Variants in MTARC2 observed in about 807,000 individuals in gnomAD.
MTARC2 encodes the protein mitochondrial amidoxime reducing component 2.
A neutral mutation model predicts 35.6 loss-of-function variants in MTARC2; 27 were observed. That is an observed-to-expected ratio of 0.76 (90% CI 0.56 to 1.04). The LOEUF (loss-of-function observed/expected upper bound fraction) is 1.04. MTARC2 is among the 50% of genes least tolerant of loss of function. The pLI is 0.00. For missense variants in MTARC2, 412 were observed against 432.5 expected (o/e 0.95, Z 0.42); for synonymous variants, 158 against 167.1 (o/e 0.95, Z 0.42).
At chr1:220,781,507 A>G (rs1672069388) in intron 6 of MTARC2, among the ~76,000 whole-genome samples, 1 of 152,244 alleles carries the variant, frequency 6.6e-6, no homozygotes, top group African/African-American at 2.4e-5. Flanking sequence ...CCATATAGAC[A>G]AAGTATTTAT....
intron 6 of MTARC2, among the ~76,000 whole-genome samples, chr1:220,780,526 C>T (rs1365383235): frequency 6.7e-6 from 1 of 150,168 alleles, no homozygotes; most frequent in East Asian, 2.0e-4. Flanking sequence ...GATCTTAGCT[C>T]ACTGCAACCT....
intron 1 of MTARC2, among the ~76,000 whole-genome samples, chr1:220,750,818 G>A (rs1166521993): frequency 6.6e-6 from 1 of 152,146 alleles, no homozygotes; most frequent in Non-Finnish European, 1.5e-5. Flanking sequence ...TGTGCTGTGG[G>A]GATGTGAACT....
At chr1:220,777,093 G>A (rs1203793862) in intron 4 of MTARC2, among the ~76,000 whole-genome samples, 2 of 152,250 alleles carry the variant, frequency 1.3e-5, no homozygotes, top group Non-Finnish European at 2.9e-5. Flanking sequence ...TAAGTCCTGA[G>A]TAGGACATGG....
chr1:220,774,545 T>C (rs550623996), intron 4 of MTARC2, among the ~76,000 whole-genome samples: 3,616 of 152,212 alleles, frequency 0.024, 109 homozygotes, highest in African/African-American at 0.064. Context: ...CCAGGAGCAG[T>C]GAAAGTGAGG....
At chr1:220,754,159 A>G (rs1293333870) in intron 1 of MTARC2, among the ~76,000 whole-genome samples, 2 of 152,214 alleles carry the variant, frequency 1.3e-5, no homozygotes, top group Non-Finnish European at 2.9e-5. Flanking sequence ...TTGGCAACAC[A>G]GTCTTTTGTG....
At chr1:220,751,191 G>A (rs766007209) in intron 1 of MTARC2, among the ~76,000 whole-genome samples, 12 of 152,156 alleles carry the variant, frequency 7.9e-5, no homozygotes, top group Non-Finnish European at 7.4e-5. Context: ...GTTCCAAGGA[G>A]CTGGGATTTT....
chr1:220,780,585 G>A (rs1199022069), intron 6 of MTARC2, among the ~76,000 whole-genome samples: 2 of 151,888 alleles, frequency 1.3e-5, no homozygotes, highest in East Asian at 1.9e-4. Context: ...GAGTAGCTGG[G>A]ACTACAGGTG....
Position 220,748,906 on chromosome 1 carries a change from C to G in MTARC2, c.272+103C>G, listed in dbSNP as rs894771167. 18 of 1,332,894 alleles carry G rather than the reference C, an allele frequency of 1.4e-5. No homozygotes were observed. The African/African-American group carries it at 1.9e-4, about 14-fold the overall frequency. 82.6% of individuals were successfully genotyped at this position (1,332,894 alleles called of 1,614,324 possible). A position where few individuals can be genotyped will look rare whatever the true frequency, so the allele number is the denominator to read the frequency against. The stretch of plus-strand genomic sequence containing the variant: ...ATCTGGGAAGGACTATAGAGGTTTG[C>G]CACCTGAGTTTCTGGGCTGACTGTT... On this transcript the variant is annotated intron_variant, in intron 1 of 7. Coordinates refer to ENST00000366913, the MANE Select transcript of MTARC2 (RefSeq NM_017898.5).
Position 220,748,732 on chromosome 1 carries a change from C to G in MTARC2, c.201C>G (p.Ser67=), listed in dbSNP as rs1396776862. The G allele has an allele frequency of 1.1e-5, 17 of 1,600,380 alleles. No homozygotes were observed. Among genetic ancestry groups the G allele is most frequent in the Non-Finnish European group, 1.4e-5 (16 of 1,173,790 alleles). The part of the protein sequence containing the change: ...VAKLWIYPVK[S]CKGVPVSEAE... ...AGCTCTGGATCTACCCGGTGAAATC[C>G]TGCAAAGGGGTGCCGGTGAGCGAGG... The change falls in exon 1 of 8, where the codon TCC becomes TCG. Residue 67 remains serine (S), a synonymous_variant. Transcript: ENST00000366913.
chr1:220,748,497 T>C lies in MTARC2; in HGVS notation c.-35T>C. ...CTCCCGGTCTCCGGTCGCTGCCGGG[T>C]CTGTGCGCCGGTCCGCGCCCGCCCT... On this transcript the variant is annotated 5_prime_UTR_variant, in exon 1 of 8. Transcript: ENST00000366913. The C allele has an allele frequency of 2.2e-6, 3 of 1,368,776 alleles. No homozygotes were observed. Among genetic ancestry groups the C allele is most frequent in the South Asian group, 1.7e-5 (1 of 57,886 alleles). 84.8% of individuals were successfully genotyped at this position (1,368,776 alleles called of 1,614,324 possible). A position where few individuals can be genotyped will look rare whatever the true frequency, so the allele number is the denominator to read the frequency against.
chr1:220,763,099 G>T, intron 4 of MTARC2, 49 bp downstream of exon 4: 2 of 1,613,654 alleles, frequency 1.2e-6, no homozygotes, highest in Non-Finnish European at 1.7e-6. Flanking sequence ...TGCTGCTCGC[G>T]GTGCTAAGGG....
At chr1:220,765,847 G>T (rs1349027255) in intron 4 of MTARC2, among the ~76,000 whole-genome samples, 1 of 152,186 alleles carries the variant, frequency 6.6e-6, no homozygotes, top group Non-Finnish European at 1.5e-5. Context: ...TTCCCAAACT[G>T]CTGGGATTAT....
intron 4 of MTARC2, among the ~76,000 whole-genome samples, chr1:220,774,434 T>G (rs1353141179): frequency 1.3e-5 from 2 of 152,180 alleles, no homozygotes; most frequent in African/African-American, 2.4e-5. Flanking sequence ...AGAAACAGAA[T>G]AGTCTTATTT....
At chr1:220,782,042 T>C in intron 7 of MTARC2, 110 bp downstream of exon 7, 1 of 948,402 alleles carries the variant, frequency 1.1e-6, no homozygotes, top group Non-Finnish European at 1.5e-6. Context: ...GAATGAACAG[T>C]TTTATATTCT....
At chr1:220,767,172 A>G (rs1671602520) in intron 4 of MTARC2, among the ~76,000 whole-genome samples, 1 of 152,098 alleles carries the variant, frequency 6.6e-6, no homozygotes, top group Non-Finnish European at 1.5e-5. Flanking sequence ...TTATTAAATG[A>G]CGCTAATGTT....
chr1:220,749,631 C>G (rs337187), intron 1 of MTARC2, among the ~76,000 whole-genome samples: 62,684 of 151,778 alleles, frequency 0.41, 17,672 homozygotes, highest in African/African-American at 0.77. Context: ...GGGTTTCACT[C>G]TGTTGACCAG....
intron 4 of MTARC2, among the ~76,000 whole-genome samples, chr1:220,764,172 C>G (rs1307705964): frequency 6.6e-6 from 1 of 151,932 alleles, no homozygotes; most frequent in African/African-American, 2.4e-5. Flanking sequence ...CGGCTCGCTG[C>G]AAACTCCACC....
Position 220,764,774 on chromosome 1 carries a change from T to TG in MTARC2, c.750+1724_750+1725insG, listed in dbSNP as rs1553253959. On this transcript the variant is annotated intron_variant, in intron 4 of 7. Coordinates refer to ENST00000366913, the MANE Select transcript of MTARC2 (RefSeq NM_017898.5). ...GTGACAGAGCGAGAACCTGTGTATT[T>TG]AAAAAAAAAAAAGGAAAAGAAAAGA... Among the ~76,000 whole-genome samples the TG allele has an allele frequency of 9.6e-5, 14 of 145,874 alleles. No homozygotes were observed. The East Asian group carries it at 2.6e-3, about 27-fold the overall frequency.
chr1:220,779,612 G>GT (rs1402584005), intron 4 of MTARC2, among the ~76,000 whole-genome samples: 2 of 152,198 alleles, frequency 1.3e-5, no homozygotes, highest in African/African-American at 4.8e-5. Context: ...CTTCTCTTGG[G>GT]TGATGTCCCC....
Sources: gnomAD v4.1 joint callset for allele counts (sites outside exome capture counted in the v4.1 genomes callset) on GRCh38, gnomAD v4.1.1 for gene constraint, MANE v1.5 for transcripts, NCBI Gene and HGNC (gene_info 2026-07-23, HGNC 2026-07-21) for gene names.